Variants in NCKAP5 observed in about 807,000 individuals in gnomAD.
NCKAP5 encodes the protein NCK associated protein 5.
In NCKAP5, 92 loss-of-function variants were observed where a neutral mutation model predicts 167.0. That is an observed-to-expected ratio of 0.55 (90% CI 0.47 to 0.66). The LOEUF (loss-of-function observed/expected upper bound fraction) is 0.66, where lower values mean the gene tolerates loss of function less well. Ranked by LOEUF, NCKAP5 falls within the 30% of genes least tolerant of loss-of-function variation. The pLI, the probability that NCKAP5 is intolerant of heterozygous loss-of-function variation, is 0.00. For synonymous variants in NCKAP5, 891 were observed against 877.4 expected (o/e 1.02, Z -0.27); for missense variants, 2,378 against 2,315.0 (o/e 1.03, Z -0.56).
chr2:132,790,311 T>C lies in NCKAP5; in HGVS notation c.910-106A>G, dbSNP rs1243434101. ...GGGAATACAGATGCTCCTCAACTTA[T>C]GGCAGGAGTACATCCTGATAAACCC... On this transcript the variant is annotated intron_variant, in intron 12 of 19. Coordinates refer to ENST00000409261, the MANE Select transcript of NCKAP5 (RefSeq NM_207363.3). 6 of 994,504 alleles carry C rather than the reference T, an allele frequency of 6.0e-6. No homozygotes were observed. In the East Asian group the frequency reaches 1.1e-4, roughly 17 times the overall value. 61.6% of individuals were successfully genotyped at this position (994,504 alleles called of 1,614,324 possible). A position where few individuals can be genotyped will look rare whatever the true frequency, so the allele number is the denominator to read the frequency against.
rs148500575 is a variant in NCKAP5 at position 133,209,665 on chromosome 2, T to C, written c.207+4051A>G. Among the ~76,000 whole-genome samples, 1,440 of 151,954 alleles carry C rather than the reference T, an allele frequency of 9.5e-3. 24 individuals are homozygous for C. Among genetic ancestry groups the C allele is most frequent in the African/African-American group, 0.033 (1,378 of 41,404 alleles). On this transcript the variant is annotated intron_variant, in intron 5 of 19. Coordinates refer to ENST00000409261, the MANE Select transcript of NCKAP5 (RefSeq NM_207363.3). ...GTGGTACCCTGTACTGGATCCCAGA[T>C]CAGAAAAGGAACATTGCTAGAAAAA...
At chr2:133,639,208 G>A in the NCKAP5 span, among the ~76,000 whole-genome samples, 1 of 152,104 alleles carries the variant, frequency 6.6e-6, no homozygotes, top group Non-Finnish European at 1.5e-5. Flanking sequence ...GAAGTCCCAC[G>A]TATTACTGGT....
chr2:132,842,726 A>AT lies in NCKAP5; in HGVS notation c.807+17765dup, dbSNP rs140841877. On this transcript the variant is annotated intron_variant, in intron 11 of 19. Coordinates refer to ENST00000409261, the MANE Select transcript of NCKAP5 (RefSeq NM_207363.3). ...CATGCCCGGATGATTTTTCTTTTTC[A>AT]TTTTTTTTTCACTTTGTTGCCTAGG... Among the ~76,000 whole-genome samples, 162 of 146,238 alleles carry AT rather than the reference A, an allele frequency of 1.1e-3. 1 individual carries two copies. The highest frequency in any genetic ancestry group is 3.6e-3 in the African/African-American group (142 of 39,658).
At position 133,036,475 on chromosome 2, in the gene NCKAP5, C is replaced by A. The variant is rs146563278; in HGVS notation, c.342-42236G>T. 5.1e-4 allele frequency among the ~76,000 whole-genome samples: 77 copies of A among 152,034 alleles called. 1 individual carries two copies. Among genetic ancestry groups the A allele is most frequent in the African/African-American group, 1.8e-3 (75 of 41,554 alleles). Reference sequence around the variant, plus strand: ...ACATTAGGAAATTCATTCATCATGACAAAGCTGTTTTTATCCCTGGGATGC... The same window carrying A: ...ACATTAGGAAATTCATTCATCATGAAAAAGCTGTTTTTATCCCTGGGATGC... On this transcript the variant is annotated intron_variant, in intron 6 of 19. Transcript: ENST00000409261.
At chr2:132,956,015 C>T (rs1221055553) in intron 8 of NCKAP5, among the ~76,000 whole-genome samples, 2 of 152,012 alleles carry the variant, frequency 1.3e-5, no homozygotes, top group East Asian at 1.9e-4. Context: ...AGAATGCAGA[C>T]AGGGTGGTCA....
intron 11 of NCKAP5, among the ~76,000 whole-genome samples, chr2:132,811,424 C>A (rs1685855986): frequency 6.6e-6 from 1 of 151,988 alleles, no homozygotes; most frequent in Non-Finnish European, 1.5e-5. Context: ...CTCAGGCTCT[C>A]CTTGGGTACA....
chr2:133,257,286 T>C (rs1487285695), intron 4 of NCKAP5, among the ~76,000 whole-genome samples: 1 of 152,038 alleles, frequency 6.6e-6, no homozygotes, highest in Admixed American at 6.6e-5. Flanking sequence ...CTTTATGAAA[T>C]TGCAAACAAC....
At chr2:133,654,112 G>A in the NCKAP5 span, among the ~76,000 whole-genome samples, 25 of 152,166 alleles carry the variant, frequency 1.6e-4, no homozygotes, top group Non-Finnish European at 2.6e-4. Context: ...AGCTGGGCGC[G>A]CTGGCTCACA....
At chr2:133,117,583 A>G (rs1574080797) in intron 6 of NCKAP5, 1 of 152,312 alleles carries the variant, frequency 6.6e-6, no homozygotes, top group African/African-American at 2.4e-5. Context: ...GATCTGTAGG[A>G]TATTTCCGGA....
intron 3 of NCKAP5, among the ~76,000 whole-genome samples, chr2:133,312,535 A>C (rs1424964879): frequency 6.6e-6 from 1 of 152,144 alleles, no homozygotes; most frequent in Non-Finnish European, 1.5e-5. Context: ...TGCAATATCC[A>C]GGAAATCCCC....
chr2:132,986,519 A>C (rs1429454538), intron 7 of NCKAP5, among the ~76,000 whole-genome samples: 1 of 152,170 alleles, frequency 6.6e-6, no homozygotes, highest in Non-Finnish European at 1.5e-5. Flanking sequence ...GCTGAGATGA[A>C]CTAGTCAGGA....
chr2:132,895,158 C>T (rs1017730562), intron 8 of NCKAP5, among the ~76,000 whole-genome samples: 4 of 151,650 alleles, frequency 2.6e-5, no homozygotes, highest in East Asian at 4.0e-4. Context: ...GGTGAAACCC[C>T]GTCTCTACTA....
Position 133,054,770 on chromosome 2 carries a change from T to C in NCKAP5, c.342-60531A>G, listed in dbSNP as rs369991865. ...ATATGCCCACTCTTATCAAATCCAG[T>C]TTGAAATTTTCTTGGCAATCAGATG... On this transcript the variant is annotated intron_variant, in intron 6 of 19. Coordinates refer to ENST00000409261, the MANE Select transcript of NCKAP5 (RefSeq NM_207363.3). Among the ~76,000 whole-genome samples the C allele has an allele frequency of 8.2e-4, 125 of 152,284 alleles. 2 individuals carry two copies. The highest frequency in any genetic ancestry group is 3.7e-3 in the South Asian group (18 of 4,828).
chr2:133,224,955 A>G (rs560252762), intron 4 of NCKAP5, among the ~76,000 whole-genome samples: 1 of 152,300 alleles, frequency 6.6e-6, no homozygotes, highest in Non-Finnish European at 1.5e-5. Context: ...AGGTTTCTGA[A>G]TGGGTATTCC....
At chr2:133,377,110 G>C (rs1686199892) in intron 3 of NCKAP5, among the ~76,000 whole-genome samples, 1 of 152,082 alleles carries the variant, frequency 6.6e-6, no homozygotes, top group South Asian at 2.1e-4. Flanking sequence ...TGGTTTTTCT[G>C]AGTCATCACA....
chr2:133,334,402 G>T (rs1232197254), intron 3 of NCKAP5, among the ~76,000 whole-genome samples: 1 of 152,072 alleles, frequency 6.6e-6, no homozygotes, highest in African/African-American at 2.4e-5. Context: ...GCTAGCTCGG[G>T]CACTTTTATG....
rs555188388 is a variant in NCKAP5, at chr2:133,160,958, G to A, written c.208-30847C>T. On this transcript the variant is annotated intron_variant, in intron 5 of 19. Coordinates refer to ENST00000409261, the MANE Select transcript of NCKAP5 (RefSeq NM_207363.3). ...GTCCCCAGCCCCCAAGCTGTGGACC[G>A]GTAGCAGTCTGTGGCCTGTTAGGAA... Among the ~76,000 whole-genome samples the A allele has an allele frequency of 5.3e-5, 8 of 152,174 alleles. No homozygotes were observed. In the South Asian group the frequency reaches 6.2e-4, roughly 12 times the overall value.
At chr2:133,354,105 G>C (rs192602230) in intron 3 of NCKAP5, among the ~76,000 whole-genome samples, 1 of 152,288 alleles carries the variant, frequency 6.6e-6, no homozygotes, top group East Asian at 1.9e-4. Context: ...TCAGGGGTTT[G>C]GGCAGTGAGG....
chr2:133,237,207 T>C (rs2087463764), intron 4 of NCKAP5, among the ~76,000 whole-genome samples: 1 of 152,184 alleles, frequency 6.6e-6, no homozygotes, highest in Non-Finnish European at 1.5e-5. Context: ...TGATTAATTA[T>C]GACAAATTAT....
Sources: gnomAD v4.1 joint callset for allele counts (sites outside exome capture counted in the v4.1 genomes callset) on GRCh38, gnomAD v4.1.1 for gene constraint, MANE v1.5 for transcripts, NCBI Gene and HGNC (gene_info 2026-07-23, HGNC 2026-07-21) for gene names.